Variants in UBR3 observed in about 807,000 individuals in gnomAD.
UBR3 encodes the protein E3 ubiquitin-protein ligase UBR3.
In UBR3, 85 loss-of-function variants were observed where a neutral mutation model predicts 243.2. That is an observed-to-expected ratio of 0.35 (90% confidence interval 0.29 to 0.42). The LOEUF is 0.42. Among genes scored for constraint, UBR3 ranks in the 10% least tolerant of loss-of-function variants. The pLI, the probability that UBR3 is intolerant of heterozygous loss-of-function variation, is 1.00. For missense variants in UBR3, 1,686 were observed against 2,300.8 expected (o/e 0.73, Z 5.47); for synonymous variants, 748 against 799.8 (o/e 0.94, Z 1.09).
At chr2:169,881,802 T>C (rs1169647315) in intron 5 of UBR3, among the ~76,000 whole-genome samples, 1 of 138,354 alleles carries the variant, frequency 7.2e-6, no homozygotes, top group Non-Finnish European at 1.5e-5. Flanking sequence ...TTTATATTTA[T>C]GTTATAATAT....
intron 29 of UBR3, among the ~76,000 whole-genome samples, chr2:170,011,627 T>C (rs1216459069): frequency 1.8e-5 from 1 of 54,614 alleles, no homozygotes; most frequent in African/African-American, 1.1e-4. Flanking sequence ...ACAGCTTTTC[T>C]TTTTTTTTTT....
At chr2:169,945,057 C>T (rs989197731) in intron 20 of UBR3, among the ~76,000 whole-genome samples, 2 of 152,016 alleles carry the variant, frequency 1.3e-5, no homozygotes. Context: ...TTGCTAGACA[C>T]TATACAAAGC....
intron 27 of UBR3, among the ~76,000 whole-genome samples, 160 bp downstream of exon 27, chr2:170,001,574 A>T (rs1325099728): frequency 1.3e-5 from 2 of 152,140 alleles, no homozygotes; most frequent in Admixed American, 6.5e-5. Flanking sequence ...TTCAACTTCA[A>T]GGATTTTCAT....
intron 24 of UBR3, among the ~76,000 whole-genome samples, chr2:169,977,753 C>A (rs900566441): frequency 6.6e-6 from 1 of 152,172 alleles, no homozygotes; most frequent in Non-Finnish European, 1.5e-5. Context: ...CTCTGGAAAA[C>A]CCTCACAGAC....
intron 1 of UBR3, among the ~76,000 whole-genome samples, chr2:169,836,052 TATATATATATA>T (rs2082091812): frequency 2.6e-5 from 1 of 39,106 alleles, no homozygotes; most frequent in South Asian, 8.6e-4. Flanking sequence ...TCTATATATA[TATATATATATA>T]TATATTTTTT....
chr2:169,856,990 T>G (rs2082897238), intron 1 of UBR3, among the ~76,000 whole-genome samples: 1 of 152,018 alleles, frequency 6.6e-6, no homozygotes, highest in South Asian at 2.1e-4. Flanking sequence ...TAGAGGTATG[T>G]TATTTATTTA....
intron 31 of UBR3, among the ~76,000 whole-genome samples, chr2:170,037,395 A>AT (rs564581578): frequency 1.6e-4 from 24 of 150,060 alleles, no homozygotes; most frequent in South Asian, 6.4e-4. Flanking sequence ...CTCACTTATA[A>AT]TTTTTTTTTT....
rs761518260 is a variant in UBR3, at chr2:170,061,237, A to G, written c.4893+51A>G. 19 of 1,580,628 alleles carry G rather than the reference A, an allele frequency of 1.2e-5. No individual in the cohort carries two copies. In the African/African-American group the frequency reaches 1.9e-4, roughly 16 times the overall value. ...AGCGGTTATTTAGTAAAAAATTTAC[A>G]TTTTCTTGCCATTATGAATGTAATT... On this transcript the variant is annotated intron_variant, in intron 34 of 38. Coordinates refer to ENST00000272793, the MANE Select transcript of UBR3 (RefSeq NM_172070.4).
At chr2:169,988,360 G>A (rs1245268270) in intron 25 of UBR3, among the ~76,000 whole-genome samples, 1 of 152,030 alleles carries the variant, frequency 6.6e-6, no homozygotes, top group Non-Finnish European at 1.5e-5. Flanking sequence ...GCTTTTATTT[G>A]TTCATTATTT....
chr2:169,896,507 G>T lies in UBR3; in HGVS notation c.1237G>T (p.Val413Phe). The change falls in exon 8 of 39, where the codon GTT becomes TTT. Residue 413 changes from valine to phenylalanine, a missense_variant and splice_region_variant. Around this residue, in one of 8 missense-constraint regions of UBR3, gnomAD observed 200 missense variants for 231.6 expected, o/e 0.86. Transcript: ENST00000272793. ...LNMLPDQEYK[V>F]AFTKTFVQHY... ...TTCCTTTCTATTAAAATGTTTACAGGTTGCTTTTACAAAAACTTTTGTTCA... is the reference window on the plus strand; with the variant it reads ...TTCCTTTCTATTAAAATGTTTACAGTTTGCTTTTACAAAAACTTTTGTTCA... 2 of 1,515,078 alleles carry T rather than the reference G, an allele frequency of 1.3e-6. No homozygotes were observed. Among genetic ancestry groups the T allele is most frequent in the Non-Finnish European group, 8.9e-7 (1 of 1,125,956 alleles). 93.9% of individuals were successfully genotyped at this position (1,515,078 alleles called of 1,614,324 possible). A position where few individuals can be genotyped will look rare whatever the true frequency, so the allele number is the denominator to read the frequency against.
chr2:169,836,369 G>T (rs1323126006), intron 1 of UBR3, among the ~76,000 whole-genome samples: 2 of 151,716 alleles, frequency 1.3e-5, no homozygotes, highest in Middle Eastern at 3.4e-3. Flanking sequence ...ACAGGCATGG[G>T]CTACCACGCC....
chr2:170,028,145 T>C (rs1196466896), intron 30 of UBR3, among the ~76,000 whole-genome samples: 1 of 151,902 alleles, frequency 6.6e-6, no homozygotes, highest in Non-Finnish European at 1.5e-5. Context: ...AGAGATCAGA[T>C]TGAAACTTAC....
At chr2:170,000,714 G>A (rs1273545594) in intron 26 of UBR3, among the ~76,000 whole-genome samples, 1 of 152,146 alleles carries the variant, frequency 6.6e-6, no homozygotes, top group Non-Finnish European at 1.5e-5. Context: ...AAGTTTGCAG[G>A]GTAGTCAAAA....
chr2:169,934,095 A>C (rs2105351255), intron 19 of UBR3, among the ~76,000 whole-genome samples: 1 of 152,306 alleles, frequency 6.6e-6, no homozygotes, highest in South Asian at 2.1e-4. Flanking sequence ...TTATCTCTGT[A>C]TCTCGTCTAC....
intron 35 of UBR3, among the ~76,000 whole-genome samples, chr2:170,070,517 C>A (rs1241964554): frequency 1.3e-5 from 2 of 151,972 alleles, no homozygotes; most frequent in Non-Finnish European, 2.9e-5. Context: ...AAAAAGACAT[C>A]CAGATTGGAA....
At chr2:170,029,836 C>A (rs1200974861) in intron 31 of UBR3, among the ~76,000 whole-genome samples, 1 of 151,976 alleles carries the variant, frequency 6.6e-6, no homozygotes, top group South Asian at 2.1e-4. Context: ...ATAATTCTTG[C>A]TAAAATCCAT....
chr2:170,007,496 A>T (rs1212957283), intron 28 of UBR3, among the ~76,000 whole-genome samples: 1 of 152,150 alleles, frequency 6.6e-6, no homozygotes, highest in African/African-American at 2.4e-5. Context: ...GGTGGCTCAC[A>T]CCTGTAATCC....
At chr2:169,876,001 TAAG>T in intron 3 of UBR3, 52 bp downstream of exon 3, 1 of 1,349,682 alleles carries the variant, frequency 7.4e-7, no homozygotes, top group Non-Finnish European at 9.7e-7. Flanking sequence ...ACTATAATGA[TAAG>T]AAATTGAGTC....
At chr2:169,989,258 C>A (rs1044955572) in intron 25 of UBR3, among the ~76,000 whole-genome samples, 1 of 152,108 alleles carries the variant, frequency 6.6e-6, no homozygotes, top group Admixed American at 6.5e-5. Flanking sequence ...AACATCTAGT[C>A]AGTGTTTAAA....
Sources: gnomAD v4.1 joint callset for allele counts (sites outside exome capture counted in the v4.1 genomes callset) on GRCh38, gnomAD v4.1.1 for gene constraint, gnomAD v4.1.1 regional missense constraint, MANE v1.5 for transcripts, NCBI Gene and HGNC (gene_info 2026-07-23, HGNC 2026-07-21) for gene names.